The following SPAG16 variants were observed in gnomAD, a reference collection of about 807,000 sequenced individuals.
The protein encoded by SPAG16 is sperm associated antigen 16.
In SPAG16, 86 loss-of-function variants were observed where a neutral mutation model predicts 80.4. That is an observed-to-expected ratio of 1.07 (90% confidence interval 0.90 to 1.28). SPAG16 has a LOEUF of 1.28. Ranked by LOEUF, SPAG16 falls within the 50% of genes most tolerant of loss-of-function variation. The pLI, the probability that SPAG16 is intolerant of heterozygous loss-of-function variation, is 0.00. For synonymous variants in SPAG16, 294 were observed against 265.9 expected (o/e 1.11, Z -1.03); for missense variants, 870 against 765.3 (o/e 1.14, Z -1.61).
intron 10 of SPAG16, among the ~76,000 whole-genome samples, chr2:213,580,668 A>G (rs1178892964): frequency 2.0e-5 from 3 of 152,144 alleles, no homozygotes; most frequent in African/African-American, 7.2e-5. Context: ...TCAGAAGAAT[A>G]AAAAAGTCAT....
chr2:213,290,788 T>G (rs1019751440), intron 1 of SPAG16, among the ~76,000 whole-genome samples: 1 of 151,978 alleles, frequency 6.6e-6, no homozygotes, highest in Non-Finnish European at 1.5e-5. Flanking sequence ...GTGTACAGAG[T>G]TTTATCATTC....
At chr2:213,779,491 T>C (rs894931318) in intron 10 of SPAG16, among the ~76,000 whole-genome samples, 2 of 152,220 alleles carry the variant, frequency 1.3e-5, no homozygotes, top group Non-Finnish European at 2.9e-5. Flanking sequence ...TATTTTGGTT[T>C]TGTTATTCAT....
At chr2:213,738,249 G>A (rs1468992682) in intron 10 of SPAG16, among the ~76,000 whole-genome samples, 1 of 152,086 alleles carries the variant, frequency 6.6e-6, no homozygotes, top group Non-Finnish European at 1.5e-5. Context: ...GACCCCCAGT[G>A]GATGCCTGAA....
chr2:213,742,321 G>A (rs1009721388), intron 10 of SPAG16, among the ~76,000 whole-genome samples: 1 of 151,906 alleles, frequency 6.6e-6, no homozygotes, highest in Non-Finnish European at 1.5e-5. Flanking sequence ...AAGAATACAA[G>A]GACATTAGTA....
In SPAG16 at chr2:214,336,570, C is replaced by T. The variant is rs563786919; in HGVS notation, c.1721-73570C>T. On this transcript the variant is annotated intron_variant, in intron 15 of 15. Transcript: ENST00000331683. The stretch of plus-strand genomic sequence containing the variant: ...TCAAACATGTATATAAATATAATAG[C>T]CAGTATTACAACTTAAGGCATTTTT... Among the ~76,000 whole-genome samples the T allele has an allele frequency of 3.0e-3, 452 of 152,090 alleles. 2 individuals carry two copies. The highest frequency in any genetic ancestry group is 4.9e-3 in the Non-Finnish European group (331 of 67,976).
chr2:214,375,759 C>A (rs552533370), intron 15 of SPAG16, among the ~76,000 whole-genome samples: 77 of 152,252 alleles, frequency 5.1e-4, no homozygotes, highest in Non-Finnish European at 9.7e-4. Context: ...TGGCATCATA[C>A]CCACTGTGCT....
intron 12 of SPAG16, among the ~76,000 whole-genome samples, chr2:213,968,810 A>G (rs563347884): frequency 1.3e-5 from 2 of 152,360 alleles, no homozygotes; most frequent in African/African-American, 2.4e-5. Flanking sequence ...ACATGAAGTA[A>G]TGAATGTCAA....
chr2:214,267,653 A>G (rs1275121612), intron 15 of SPAG16, among the ~76,000 whole-genome samples: 1 of 151,852 alleles, frequency 6.6e-6, no homozygotes, highest in Non-Finnish European at 1.5e-5. Context: ...AGATATCACA[A>G]ATAAATGGAA....
chr2:213,300,762 A>G (rs28441286), intron 3 of SPAG16, among the ~76,000 whole-genome samples: 31,630 of 151,984 alleles, frequency 0.21, 4,260 homozygotes, highest in Non-Finnish European at 0.31. Flanking sequence ...TTAATATCCA[A>G]TATATAATTC....
chr2:213,939,587 C>T (rs1273563613), intron 12 of SPAG16, among the ~76,000 whole-genome samples: 1 of 152,114 alleles, frequency 6.6e-6, no homozygotes, highest in Non-Finnish European at 1.5e-5. Flanking sequence ...TTTTTGTTTT[C>T]ACTTGCATTA....
intron 15 of SPAG16, among the ~76,000 whole-genome samples, chr2:214,180,611 C>A (rs952405714): frequency 6.6e-6 from 1 of 151,520 alleles, no homozygotes; most frequent in African/African-American, 2.4e-5. Context: ...AACAAGGTAG[C>A]ATTCAGGAAA....
intron 13 of SPAG16, among the ~76,000 whole-genome samples, chr2:214,025,314 C>T (rs898980242): frequency 1.3e-5 from 2 of 151,584 alleles, no homozygotes; most frequent in African/African-American, 4.8e-5. Context: ...TAAGTGACTA[C>T]AATTCATTGC....
intron 6 of SPAG16, among the ~76,000 whole-genome samples, chr2:213,346,183 G>C (rs1167420228): frequency 6.6e-6 from 1 of 152,046 alleles, no homozygotes; most frequent in East Asian, 1.9e-4. Context: ...CTCTCTGTTT[G>C]TCTGTTATTG....
At chr2:213,531,186 T>C (rs1016714168) in intron 10 of SPAG16, among the ~76,000 whole-genome samples, 1 of 152,178 alleles carries the variant, frequency 6.6e-6, no homozygotes, top group Non-Finnish European at 1.5e-5. Flanking sequence ...ACTAGGACAT[T>C]TTAACAGGTC....
chr2:214,381,804 C>G (rs1216495385), intron 15 of SPAG16, among the ~76,000 whole-genome samples: 1 of 152,224 alleles, frequency 6.6e-6, no homozygotes, highest in Non-Finnish European at 1.5e-5. Context: ...CAAAAACACT[C>G]TATTAGATGT....
chr2:213,564,512 A>G (rs2125990300), intron 10 of SPAG16, among the ~76,000 whole-genome samples: 1 of 151,694 alleles, frequency 6.6e-6, no homozygotes, highest in South Asian at 2.1e-4. Context: ...AAAAAAAAAA[A>G]GAGTATGTCA....
chr2:213,901,752 C>A (rs550286580), intron 11 of SPAG16, among the ~76,000 whole-genome samples: 20 of 151,638 alleles, frequency 1.3e-4, no homozygotes, highest in African/African-American at 3.6e-4. Flanking sequence ...AGATACATAC[C>A]CAAGCAGCAG....
intron 10 of SPAG16, among the ~76,000 whole-genome samples, chr2:213,633,369 C>A (rs1390779173): frequency 3.9e-5 from 6 of 152,020 alleles, no homozygotes; most frequent in Non-Finnish European, 8.8e-5. Flanking sequence ...TAGTTTCATA[C>A]CATTGTGGTC....
chr2:213,678,920 T>C (rs1036402250), intron 10 of SPAG16, among the ~76,000 whole-genome samples: 1 of 152,178 alleles, frequency 6.6e-6, no homozygotes, highest in Non-Finnish European at 1.5e-5. Context: ...TTCCTTTACC[T>C]ATAACTTCCT....
Sources: gnomAD v4.1 joint callset for allele counts (sites outside exome capture counted in the v4.1 genomes callset) on GRCh38, gnomAD v4.1.1 for gene constraint, MANE v1.5 for transcripts, NCBI Gene and HGNC (gene_info 2026-07-23, HGNC 2026-07-21) for gene names.